The following HERC2 variants were observed in gnomAD, a reference collection of about 807,000 sequenced individuals.
The protein encoded by HERC2 is E3 ubiquitin-protein ligase HERC2.
In HERC2, 102 loss-of-function variants were observed where a neutral mutation model predicts 537.7. The observed-to-expected ratio is 0.19, with a 90% CI of 0.16 to 0.22. The LOEUF is 0.22. Ranked by LOEUF, HERC2 falls within the 10% of genes least tolerant of loss-of-function variation. The pLI is 1.00. For synonymous variants in HERC2, 2,224 were observed against 2,466.2 expected (o/e 0.90, Z 2.91); for missense variants, 4,236 against 6,198.2 (o/e 0.68, Z 10.63).
intron 3 of HERC2, among the ~76,000 whole-genome samples, chr15:28,296,688 A>AT: frequency 2.1e-5 from 1 of 47,454 alleles, no homozygotes; most frequent in African/African-American, 7.3e-5. Flanking sequence ...TTACTGATAC[A>AT]TAAAAAAAAA....
intron 70 of HERC2, among the ~76,000 whole-genome samples, chr15:28,148,672 A>G (rs1484206181): frequency 6.6e-6 from 1 of 152,034 alleles, no homozygotes; most frequent in African/African-American, 2.4e-5. Flanking sequence ...TTCTAGTAAC[A>G]CTACCGAAGA....
At chr15:28,246,645 G>T in intron 22 of HERC2, 97 bp downstream of exon 22, 1 of 1,062,436 alleles carries the variant, frequency 9.4e-7, no homozygotes, top group Non-Finnish European at 1.3e-6. Flanking sequence ...AGAAAATTTA[G>T]AGAGTAAATG....
chr15:28,300,823 CAAAAAAAAAAAAAAA>C (rs57696757), intron 2 of HERC2, among the ~76,000 whole-genome samples: 2 of 13,156 alleles, frequency 1.5e-4, no homozygotes, highest in Non-Finnish European at 1.6e-4. Context: ...GACTCCATCT[CAAAAAAAAAAAAAAA>C]AAAAAAAAAA....
At chr15:28,248,886 G>A (rs2240204) in intron 20 of HERC2, 150 bp from the exon 21 acceptor site, 58,161 of 648,340 alleles carry the variant, frequency 0.09, 6,091 homozygotes, top group East Asian at 0.42. Context: ...TGTGTCCAAT[G>A]TATCTGCAAC....
intron 78 of HERC2, among the ~76,000 whole-genome samples, chr15:28,139,834 T>G (rs552014887): frequency 1.5e-4 from 23 of 149,570 alleles, no homozygotes; most frequent in East Asian, 1.2e-3. Context: ...GCCAAGGTGG[T>G]CGGATCACAA....
At chr15:28,246,599 A>G (rs1197432917) in intron 22 of HERC2, 143 bp downstream of exon 22, 3 of 327,702 alleles carry the variant, frequency 9.2e-6, no homozygotes, top group East Asian at 6.3e-5. Context: ...GTCAGTAACT[A>G]AAAAAAAAAA....
intron 27 of HERC2, 26 bp from the exon 28 acceptor site, chr15:28,233,822 C>A (rs1171032318): frequency 9.9e-6 from 16 of 1,611,528 alleles, no homozygotes; most frequent in Non-Finnish European, 1.3e-5. Flanking sequence ...CTGGAAGTAA[C>A]TTCAGAGCCA....
chr15:28,245,440 A>G (rs948286860), intron 23 of HERC2, among the ~76,000 whole-genome samples: 1 of 151,806 alleles, frequency 6.6e-6, no homozygotes, highest in Non-Finnish European at 1.5e-5. Flanking sequence ...CCAGCTACTC[A>G]GGAGGCTGAG....
Position 28,262,945 on chromosome 15 carries a change from A to T in HERC2, c.2095T>A (p.Tyr699Asn). 3 of 1,614,206 alleles carry T rather than the reference A, an allele frequency of 1.9e-6. No homozygotes were observed. The highest frequency in any genetic ancestry group is 2.5e-6 in the Non-Finnish European group (3 of 1,179,996). ...TGCAAGCCTTCTAAGAGTTTTGGAT[A>T]ACGAACATGTTCCTCTGTTCCATGT... The part of the protein sequence containing the change: ...LGHGTEEHVR[Y>N]PKLLEGLQGK... The change falls in exon 15 of 93, where the codon TAT becomes AAT. Residue 699 changes from tyrosine (Y) to asparagine (N), a missense_variant. Transcript: ENST00000261609.
At chr15:28,258,459 CA>C (rs1289173752) in intron 16 of HERC2, among the ~76,000 whole-genome samples, 1 of 151,736 alleles carries the variant, frequency 6.6e-6, no homozygotes, top group Non-Finnish European at 1.5e-5. Context: ...GCAATAAGAC[CA>C]AAACTCCATC....
At chr15:28,283,110 G>A (rs553337258) in intron 4 of HERC2, among the ~76,000 whole-genome samples, 49 of 146,068 alleles carry the variant, frequency 3.4e-4, no homozygotes, top group Admixed American at 1.9e-3. Flanking sequence ...CTGAACTCAC[G>A]AAGGGACAGG....
At chr15:28,199,202 T>C (rs1156846668) in intron 48 of HERC2, among the ~76,000 whole-genome samples, 2 of 152,054 alleles carry the variant, frequency 1.3e-5, no homozygotes, top group Non-Finnish European at 1.5e-5. Context: ...TATTATTTAA[T>C]GATAAAGGGA....
In HERC2 at chr15:28,179,133, T is replaced by C; in HGVS notation, c.9019+9A>G. 2 of 1,608,658 alleles carry C rather than the reference T, an allele frequency of 1.2e-6. No homozygotes were observed. Among genetic ancestry groups the C allele is most frequent in the Non-Finnish European group, 1.7e-6 (2 of 1,177,996 alleles). On this transcript the variant is annotated intron_variant, in intron 58 of 92. Coordinates refer to ENST00000261609, the MANE Select transcript of HERC2 (RefSeq NM_004667.6). The stretch of plus-strand genomic sequence containing the variant: ...ATTTAAAAATTTTTTAAGATTAGAA[T>C]AATCATACCTGCAAACAAACTTTTA...
chr15:28,179,873 C>T (rs778851985), intron 57 of HERC2, among the ~76,000 whole-genome samples: 12 of 152,122 alleles, frequency 7.9e-5, no homozygotes, highest in Non-Finnish European at 1.6e-4. Flanking sequence ...TTGTGCAGAG[C>T]TGTGTTTGTG....
intron 56 of HERC2, among the ~76,000 whole-genome samples, chr15:28,184,206 T>A (rs950344411): frequency 6.6e-6 from 1 of 152,112 alleles, no homozygotes; most frequent in Non-Finnish European, 1.5e-5. Flanking sequence ...ATATATATAT[T>A]TTCCATACAC....
At chr15:28,182,718 G>A (rs1308189335) in intron 56 of HERC2, among the ~76,000 whole-genome samples, 1 of 152,130 alleles carries the variant, frequency 6.6e-6, no homozygotes, top group Non-Finnish European at 1.5e-5. Flanking sequence ...ATACAACCAT[G>A]CCACCTTTTA....
In HERC2 at chr15:28,216,116, C is replaced by T. The variant is rs560077381; in HGVS notation, c.6029-314G>A. On this transcript the variant is annotated intron_variant, in intron 38 of 92. Transcript: ENST00000261609. The stretch of plus-strand genomic sequence containing the variant: ...TTGCCCTGCCAAATAGCTGGGACTA[C>T]GGGCATTTTTAAAACCTTCTAAGTA... Among the ~76,000 whole-genome samples the T allele has an allele frequency of 1.9e-3, 286 of 151,940 alleles. 1 individual carries two copies. Among genetic ancestry groups the T allele is most frequent in the African/African-American group, 6.7e-3 (277 of 41,448 alleles).
intron 4 of HERC2, among the ~76,000 whole-genome samples, chr15:28,292,302 G>T (rs978211487): frequency 6.6e-6 from 1 of 151,012 alleles, no homozygotes; most frequent in African/African-American, 2.4e-5. Context: ...GTATACAAAT[G>T]GTCAATAAGC....
At chr15:28,143,346 C>A (rs1156353246) in intron 74 of HERC2, among the ~76,000 whole-genome samples, 1 of 152,208 alleles carries the variant, frequency 6.6e-6, no homozygotes, top group Non-Finnish European at 1.5e-5. Context: ...ATGTTCACAG[C>A]TGTCGAGACA....
Sources: allele counts gnomAD v4.1 joint callset (sites outside exome capture counted in the v4.1 genomes callset), GRCh38; gene constraint gnomAD v4.1.1; transcripts MANE v1.5; gene names NCBI Gene and HGNC (gene_info 2026-07-23, HGNC 2026-07-21).